The following OSR1 variants were observed in gnomAD, a reference collection of about 807,000 sequenced individuals.
OSR1 encodes odd-skipped related transcription factor 1.
OSR1 carries 3 observed loss-of-function variants against 15.7 expected under a neutral mutation model. The observed-to-expected ratio is 0.19, with a 90% CI of 0.09 to 0.50. The LOEUF (loss-of-function observed/expected upper bound fraction) is 0.50. Among genes scored for constraint, OSR1 ranks in the 20% least tolerant of loss-of-function variants. OSR1 has a pLI of 0.97. For synonymous variants in OSR1, 166 were observed against 152.7 expected (o/e 1.09, Z -0.64); for missense variants, 271 against 351.1 (o/e 0.77, Z 1.82).
At chr2:19,345,487 G>A in the OSR1 span, among the ~76,000 whole-genome samples, 1 of 151,958 alleles carries the variant, frequency 6.6e-6, no homozygotes, top group Non-Finnish European at 1.5e-5. Context: ...TGTATAAGGT[G>A]TAAGGAAGGG....
At position 19,353,579 on chromosome 2, in the gene OSR1, A is replaced by G; in HGVS notation, c.227T>C (p.Val76Ala). The G allele has an allele frequency of 6.2e-7, 1 of 1,614,188 alleles. No homozygotes were observed. Among genetic ancestry groups the G allele is most frequent in the Non-Finnish European group, 8.5e-7 (1 of 1,180,010 alleles). The stretch of plus-strand genomic sequence containing the variant: ...GAAGCGCGCATCCACCAAGCTGGAC[A>G]CCGTGCCCGGCACTTTGGAGAAAGA... ...RSSFSKVPGT[V>A]SSLVDARFQL... The change falls in exon 2 of 3, where the codon GTG (valine) becomes GCG (alanine). Residue 76 changes from valine to alanine, a missense_variant. Around this residue, in one of 4 missense-constraint regions of OSR1, gnomAD observed 210 missense variants for 218.4 expected, o/e 0.96. Transcript: ENST00000272223.
chr2:19,352,942 C>G (rs1034725134), intron 2 of OSR1, among the ~76,000 whole-genome samples, 199 bp downstream of exon 2: 5 of 152,192 alleles, frequency 3.3e-5, no homozygotes, highest in Admixed American at 1.3e-4. Context: ...AATCTTGGGT[C>G]CTCTTTATTC....
At chr2:19,350,127 G>A (rs1233805054), downstream of OSR1, among the ~76,000 whole-genome samples, 1 of 152,206 alleles carries the variant, frequency 6.6e-6, no homozygotes, top group African/African-American at 2.4e-5. Flanking sequence ...CCTCAGACCA[G>A]ACCAGACTCA....
chr2:19,352,796 T>G (rs1664866393), intron 2 of OSR1, among the ~76,000 whole-genome samples: 1 of 152,166 alleles, frequency 6.6e-6, no homozygotes, highest in South Asian at 2.1e-4. Context: ...TACTTAAAAT[T>G]AAATAAAACT....
Position 19,352,086 on chromosome 2 carries a change from GGACGGTC to G in OSR1, c.*182_*188del. On this transcript the variant is annotated 3_prime_UTR_variant, in exon 3 of 3. Coordinates refer to ENST00000272223, the MANE Select transcript of OSR1 (RefSeq NM_145260.3). ...TAGCCGCGTCCTAGGGGAGCAGCAG[GGACGGTC>G]GGGGTCGCGGCCCCGGGCGGGGCTC... 7.3e-6 allele frequency: 4 copies of G among 550,382 alleles called. No individual in the cohort carries two copies. The highest frequency in any genetic ancestry group is 1.2e-5 in the Non-Finnish European group (4 of 321,906). The allele number at this position is 550,382 out of a possible 1,614,324, so 34.1% of individuals were successfully genotyped here. A position where few individuals can be genotyped will look rare whatever the true frequency, so the allele number is the denominator to read the frequency against.
chr2:19,348,931 A>G (rs540815597), downstream of OSR1, among the ~76,000 whole-genome samples: 1 of 152,314 alleles, frequency 6.6e-6, no homozygotes, highest in South Asian at 2.1e-4. Flanking sequence ...CTTCAGGCCT[A>G]GCAGCTTTGA....
chr2:19,353,983 CA>C (rs1196593377), intron 1 of OSR1, 146 bp from the exon 2 acceptor site: 1 of 663,954 alleles, frequency 1.5e-6, no homozygotes, highest in Non-Finnish European at 2.5e-6. Context: ...TCCCAAAACC[CA>C]CTGCCCTCAC....
chr2:19,357,311 G>T lies in OSR1; in HGVS notation c.-33+1030C>A, dbSNP rs1216324345. On this transcript the variant is annotated intron_variant, in intron 1 of 2. Coordinates refer to ENST00000272223, the MANE Select transcript of OSR1 (RefSeq NM_145260.3). The surrounding 1 kb of genome is among the most constrained non-coding windows in gnomAD (Gnocchi z 5.0). ...CTAGCCTTGCACGTGGTTTTGTTCC[G>T]CAGAGCCAATGCGCAGCTCTTAGCC... 6.6e-6 allele frequency among the ~76,000 whole-genome samples: 1 copy of T among 152,164 alleles called. No individual in the cohort carries two copies. Among genetic ancestry groups the T allele is most frequent in the African/African-American group, 2.4e-5 (1 of 41,440 alleles).
chr2:19,354,190 G>C, intron 1 of OSR1: 1 of 195,590 alleles, frequency 5.1e-6, no homozygotes. Flanking sequence ...AGGTAAGCCC[G>C]GGTCAACACA....
rs1456645812 is a variant in OSR1 at position 19,353,650 on chromosome 2, C to T, written c.156G>A (p.Leu52=). 6.2e-7 allele frequency: 1 copy of T among 1,614,250 alleles called. No homozygotes were observed. Among genetic ancestry groups the T allele is most frequent in the East Asian group, 2.2e-5 (1 of 44,884 alleles). Reference sequence around the variant, plus strand: ...CCGGGTAGCCCAGCGTCCACTGATGCAGGTGCACAGCGTGCAACGCGCTGA... The same window carrying T: ...CCGGGTAGCCCAGCGTCCACTGATGTAGGTGCACAGCGTGCAACGCGCTGA... ...YGFSALHAVH[L]HQWTLGYPAM... The change falls in exon 2 of 3, where the codon CTG becomes CTA. Residue 52 remains leucine, a synonymous_variant. Transcript: ENST00000272223.
downstream of OSR1, among the ~76,000 whole-genome samples, chr2:19,348,180 C>G (rs368556828): frequency 6.6e-6 from 1 of 152,080 alleles, no homozygotes; most frequent in South Asian, 2.1e-4. Context: ...GGAGACCACT[C>G]TAAACCACTG....
At chr2:19,349,526 C>G (rs1664794385), downstream of OSR1, among the ~76,000 whole-genome samples, 1 of 152,228 alleles carries the variant, frequency 6.6e-6, no homozygotes, top group South Asian at 2.1e-4. Context: ...ACACTTGATA[C>G]TGACATTCAG....
At chr2:19,358,288 G>A (rs1458193949) in intron 1 of OSR1, 53 bp downstream of exon 1, 1 of 152,558 alleles carries the variant, frequency 6.6e-6, no homozygotes, top group Non-Finnish European at 1.5e-5. Context: ...AGGAACCTGG[G>A]AGTCCTGCCC....
chr2:19,350,504 G>C (rs1286586857), downstream of OSR1, among the ~76,000 whole-genome samples: 4 of 152,172 alleles, frequency 2.6e-5, no homozygotes, highest in Admixed American at 1.3e-4. Flanking sequence ...CTTGAGGCTG[G>C]GATTTTTGGT....
At chr2:19,346,574 A>G (rs552345284), downstream of OSR1, 1 of 152,438 alleles carries the variant, frequency 6.6e-6, no homozygotes, top group African/African-American at 2.4e-5. Flanking sequence ...AGACCAGTCT[A>G]AGCAACATAG....
chr2:19,346,209 T>C, the OSR1 span, among the ~76,000 whole-genome samples: 1 of 152,250 alleles, frequency 6.6e-6, no homozygotes, highest in Non-Finnish European at 1.5e-5. Context: ...GCTGTGCTGA[T>C]GAGAGCCAAC....
chr2:19,347,860 C>T (rs1016621322), downstream of OSR1, among the ~76,000 whole-genome samples: 63 of 152,368 alleles, frequency 4.1e-4, no homozygotes, highest in African/African-American at 1.5e-3. Flanking sequence ...CAAGCGCCAC[C>T]CACTTTCTCG....
chr2:19,357,101 A>G lies in OSR1; in HGVS notation c.-33+1240T>C, dbSNP rs1317023088. On this transcript the variant is annotated intron_variant, in intron 1 of 2. Transcript: ENST00000272223. This position sits in a 1 kb window ranked among gnomAD's most constrained non-coding sequence, Gnocchi z 5.0. ...TCTCCCAACAAACGAGATCTAACGA[A>G]CCCATTGGCAAGGCGGTCATCCGGC... 6.6e-6 allele frequency among the ~76,000 whole-genome samples: 1 copy of G among 151,992 alleles called. No homozygotes were observed. Among genetic ancestry groups the G allele is most frequent in the Non-Finnish European group, 1.5e-5 (1 of 67,998 alleles).
Position 19,351,989 on chromosome 2 carries a change from C to T in OSR1, c.*286G>A. On this transcript the variant is annotated 3_prime_UTR_variant, in exon 3 of 3. Transcript: ENST00000272223. ...TCTGGGAGAGGCGCCGCTGCGGCTC[C>T]GCGGAGCTTTCGTTCTTTTTTTAAT... The T allele has an allele frequency of 3.0e-6, 1 of 329,800 alleles. No homozygotes were observed. The highest frequency in any genetic ancestry group is 5.5e-6 in the Non-Finnish European group (1 of 181,556). The allele number at this position is 329,800 out of a possible 1,614,324, so 20.4% of individuals were successfully genotyped here.
Sources: allele counts gnomAD v4.1 joint callset (sites outside exome capture counted in the v4.1 genomes callset), GRCh38; gene constraint gnomAD v4.1.1; regional missense constraint gnomAD v4.1.1; non-coding constraint Gnocchi (gnomAD v3.1); transcripts MANE v1.5; gene names NCBI Gene and HGNC (gene_info 2026-07-23, HGNC 2026-07-21).